Variants in LINGO2 observed in about 807,000 individuals in gnomAD.
The protein encoded by LINGO2 is leucine-rich repeat and immunoglobulin-like domain-containing nogo receptor-interacting protein 2.
LINGO2 carries 14 observed loss-of-function variants against 30.6 expected under a neutral mutation model. The ratio of observed to expected loss-of-function variants is 0.46; its 90% CI spans 0.30 to 0.72. The LOEUF is 0.72. Among genes scored for constraint, LINGO2 ranks in the 30% least tolerant of loss-of-function variants. The pLI is 0.07. For synonymous variants in LINGO2, 317 were observed against 288.5 expected, an observed-to-expected ratio of 1.10 and a Z score of -1.00; for missense variants, 729 against 751.7, an observed-to-expected ratio of 0.97 and a Z score of 0.35.
At chr9:28,702,102 T>A in the LINGO2 span, among the ~76,000 whole-genome samples, 2 of 151,894 alleles carry the variant, frequency 1.3e-5, no homozygotes, top group Non-Finnish European at 2.9e-5. Context: ...CCAATTTGTA[T>A]ACCTTTTATT....
chr9:28,986,274 C>T, the LINGO2 span, among the ~76,000 whole-genome samples: 1 of 151,890 alleles, frequency 6.6e-6, no homozygotes, highest in Non-Finnish European at 1.5e-5. Context: ...ATTTTAATTA[C>T]TATAGCATTA....
chr9:28,761,031 C>T, the LINGO2 span, among the ~76,000 whole-genome samples: 1 of 151,296 alleles, frequency 6.6e-6, no homozygotes, highest in Non-Finnish European at 1.5e-5. Flanking sequence ...TGGGTTGGTC[C>T]CACAATTTTA....
At chr9:28,915,274 T>C in the LINGO2 span, among the ~76,000 whole-genome samples, 1 of 152,196 alleles carries the variant, frequency 6.6e-6, no homozygotes, top group African/African-American at 2.4e-5. Flanking sequence ...TATGAAATCA[T>C]CTGTTCACAG....
chr9:28,687,201 T>C, the LINGO2 span, among the ~76,000 whole-genome samples: 50 of 152,254 alleles, frequency 3.3e-4, no homozygotes, highest in African/African-American at 1.1e-3. Context: ...TATTTATGTA[T>C]GAGCACAGCA....
chr9:28,510,454 AATG>A (rs1820327015), intron 1 of LINGO2, among the ~76,000 whole-genome samples: 1 of 152,184 alleles, frequency 6.6e-6, no homozygotes, highest in South Asian at 2.1e-4. Context: ...AGTAAAAATG[AATG>A]ATGATAAAGG....
intron 1 of LINGO2, among the ~76,000 whole-genome samples, chr9:28,546,753 T>C (rs1821972148): frequency 6.6e-6 from 1 of 152,000 alleles, no homozygotes. Flanking sequence ...AGAGACTCTG[T>C]TTCTGACACC....
At chr9:28,646,998 G>A (rs1428509856) in intron 1 of LINGO2, among the ~76,000 whole-genome samples, 2 of 152,054 alleles carry the variant, frequency 1.3e-5, no homozygotes, top group Admixed American at 6.6e-5. Context: ...TGACTCAACT[G>A]AGAAAGGCTG....
the LINGO2 span, among the ~76,000 whole-genome samples, chr9:29,179,158 A>AATATAC: frequency 9.8e-6 from 1 of 101,636 alleles, no homozygotes; most frequent in African/African-American, 4.4e-5. Flanking sequence ...TCTTACTGTA[A>AATATAC]ATATATATAT....
chr9:28,440,178 A>T (rs1303258375), intron 2 of LINGO2, among the ~76,000 whole-genome samples: 1 of 152,198 alleles, frequency 6.6e-6, no homozygotes, highest in Non-Finnish European at 1.5e-5. Flanking sequence ...TTTAAAGAGT[A>T]AAATTATACT....
chr9:27,958,876 T>A (rs1340619972), intron 5 of LINGO2, among the ~76,000 whole-genome samples: 3 of 152,188 alleles, frequency 2.0e-5, no homozygotes, highest in African/African-American at 7.2e-5. Context: ...TTATTTATTT[T>A]AAAAATATTT....
chr9:28,079,373 G>A (rs1285039323), intron 4 of LINGO2, among the ~76,000 whole-genome samples: 3 of 152,104 alleles, frequency 2.0e-5, no homozygotes, highest in South Asian at 2.1e-4. Context: ...TGGTGAACAC[G>A]AGTTAACCAG....
intron 4 of LINGO2, among the ~76,000 whole-genome samples, chr9:28,207,656 A>T (rs1820453892): frequency 6.6e-6 from 1 of 152,128 alleles, no homozygotes; most frequent in African/African-American, 2.4e-5. Flanking sequence ...CAAGCTAAAA[A>T]AAGGTACCTA....
intron 2 of LINGO2, among the ~76,000 whole-genome samples, chr9:28,443,181 G>T (rs375899001): frequency 6.6e-6 from 1 of 152,180 alleles, no homozygotes; most frequent in African/African-American, 2.4e-5. Flanking sequence ...GCCTATTGCC[G>T]TGCTTGTTAA....
chr9:28,659,292 A>C (rs1328933537), intron 1 of LINGO2, among the ~76,000 whole-genome samples: 1 of 152,114 alleles, frequency 6.6e-6, no homozygotes, highest in Non-Finnish European at 1.5e-5. Context: ...GTAACCTAAA[A>C]TTCAAAAAAT....
the LINGO2 span, among the ~76,000 whole-genome samples, chr9:28,720,568 G>A: frequency 1.3e-5 from 2 of 151,960 alleles, no homozygotes; most frequent in African/African-American, 4.8e-5. Context: ...ATGAGGAGAT[G>A]TTTTTTAACA....
the LINGO2 span, among the ~76,000 whole-genome samples, chr9:28,728,458 A>C: frequency 4.6e-5 from 7 of 152,144 alleles, no homozygotes; most frequent in Admixed American, 4.6e-4. Flanking sequence ...AAGTAAATGA[A>C]TAAATCATAT....
intron 1 of LINGO2, among the ~76,000 whole-genome samples, chr9:28,485,655 C>G (rs1226755114): frequency 6.6e-6 from 1 of 152,034 alleles, no homozygotes; most frequent in Non-Finnish European, 1.5e-5. Flanking sequence ...AAAGAGTCTT[C>G]CATTGCTCTA....
chr9:28,868,212 AT>A, the LINGO2 span, among the ~76,000 whole-genome samples: 4 of 152,114 alleles, frequency 2.6e-5, no homozygotes, highest in African/African-American at 9.7e-5. Context: ...CTTCAGCTGA[AT>A]ATGCCTTTCT....
chr9:28,609,741 C>T (rs986227678), intron 1 of LINGO2, among the ~76,000 whole-genome samples: 1 of 151,984 alleles, frequency 6.6e-6, no homozygotes, highest in Non-Finnish European at 1.5e-5. Flanking sequence ...TTCTTTCAAC[C>T]AATTATTTGT....
Sources: allele counts gnomAD v4.1 joint callset (sites outside exome capture counted in the v4.1 genomes callset), GRCh38; gene constraint gnomAD v4.1.1; transcripts MANE v1.5; gene names NCBI Gene and HGNC (gene_info 2026-07-23, HGNC 2026-07-21).